LRP1B: variants seen among roughly 807,000 people sequenced by gnomAD.
LRP1B encodes LDL receptor related protein 1B, also known as low-density lipoprotein receptor-related protein 1B.
A neutral mutation model predicts 556.6 loss-of-function variants in LRP1B; 217 were observed. The ratio of observed to expected loss-of-function variants is 0.39; its 90% CI spans 0.35 to 0.44. The LOEUF is 0.44. Ranked by LOEUF, LRP1B falls within the 20% of genes least tolerant of loss-of-function variation. The pLI, the probability that LRP1B is intolerant of heterozygous loss-of-function variation, is 1.00. For synonymous variants in LRP1B, 2,047 were observed against 1,865.8 expected (o/e 1.10, Z -2.50); for missense variants, 5,053 against 5,620.8 (o/e 0.90, Z 3.23).
intron 1 of LRP1B, among the ~76,000 whole-genome samples, chr2:141,877,576 T>C (rs1226976292): frequency 1.3e-5 from 2 of 152,014 alleles, no homozygotes; most frequent in Non-Finnish European, 2.9e-5. Context: ...TGAATCACTA[T>C]GTGGAGCATA....
intron 2 of LRP1B, among the ~76,000 whole-genome samples, chr2:141,725,426 C>G (rs531405364): frequency 6.6e-6 from 1 of 151,850 alleles, no homozygotes; most frequent in South Asian, 2.1e-4. Context: ...CATCAGAGAT[C>G]AAAATGGTAG....
At chr2:140,290,845 A>G (rs1335288861) in intron 84 of LRP1B, among the ~76,000 whole-genome samples, 2 of 152,036 alleles carry the variant, frequency 1.3e-5, no homozygotes, top group African/African-American at 4.8e-5. Flanking sequence ...AGGATATTGA[A>G]TGGCAGAAAA....
intron 21 of LRP1B, among the ~76,000 whole-genome samples, chr2:140,913,855 G>C (rs1694495974): frequency 6.6e-6 from 1 of 152,028 alleles, no homozygotes; most frequent in Non-Finnish European, 1.5e-5. Flanking sequence ...ATTTTTGGGA[G>C]GTAATTTTGA....
intron 3 of LRP1B, among the ~76,000 whole-genome samples, chr2:141,264,550 C>T (rs1573728700): frequency 6.6e-6 from 1 of 152,170 alleles, no homozygotes; most frequent in East Asian, 1.9e-4. Context: ...TGTCTCCCGG[C>T]TTCAAGCAAT....
chr2:140,680,027 G>A (rs1385039154), intron 41 of LRP1B, among the ~76,000 whole-genome samples: 1 of 151,996 alleles, frequency 6.6e-6, no homozygotes, highest in East Asian at 1.9e-4. Flanking sequence ...GCCTAAGACA[G>A]TTCTTCCAAT....
chr2:141,273,021 C>A (rs300397), intron 3 of LRP1B, among the ~76,000 whole-genome samples: 125,594 of 152,122 alleles, frequency 0.83, 52,133 homozygotes, highest in Admixed American at 0.87. Context: ...CCTATTGCAA[C>A]ACTTATGCCA....
At chr2:142,121,321 TAGAC>T (rs1166932044) in intron 1 of LRP1B, among the ~76,000 whole-genome samples, 1 of 152,124 alleles carries the variant, frequency 6.6e-6, no homozygotes, top group Non-Finnish European at 1.5e-5. Context: ...CACCTCTGAT[TAGAC>T]AGCCAGTAGC....
At chr2:141,474,408 G>A (rs1320534184) in intron 3 of LRP1B, among the ~76,000 whole-genome samples, 1 of 108,102 alleles carries the variant, frequency 9.3e-6, no homozygotes, top group Non-Finnish European at 2.1e-5. Flanking sequence ...ATCACCCCCA[G>A]GATTTTTTTT....
rs552604334 is a variant in LRP1B, at chr2:140,458,257, T to TA, written c.9626-607dup. Among the ~76,000 whole-genome samples the TA allele has an allele frequency of 3.2e-3, 484 of 152,238 alleles. 1 individual carries two copies. The highest frequency in any genetic ancestry group is 5.2e-3 in the Admixed American group (79 of 15,256). On this transcript the variant is annotated intron_variant, in intron 60 of 90. Transcript: ENST00000389484. Reference sequence around the variant, plus strand: ...GGTAGAGGGAAATAAGTGTGGCAGATAATAATGTATTATGCAAATTTAATA... The same window carrying TA: ...GGTAGAGGGAAATAAGTGTGGCAGATAAATAATGTATTATGCAAATTTAATA...
chr2:141,702,438 T>A (rs1691973577), intron 2 of LRP1B, among the ~76,000 whole-genome samples: 1 of 151,852 alleles, frequency 6.6e-6, no homozygotes, highest in African/African-American at 2.4e-5. Flanking sequence ...AAATGAGATC[T>A]CTTCTGATTT....
At chr2:140,712,632 A>T (rs1382499709) in intron 37 of LRP1B, among the ~76,000 whole-genome samples, 3 of 151,476 alleles carry the variant, frequency 2.0e-5, no homozygotes, top group Admixed American at 6.6e-5. Flanking sequence ...TTCTCAACTT[A>T]TCTTCTATTT....
At chr2:141,320,239 A>G (rs1687187439) in intron 3 of LRP1B, among the ~76,000 whole-genome samples, 1 of 152,118 alleles carries the variant, frequency 6.6e-6, no homozygotes, top group African/African-American at 2.4e-5. Flanking sequence ...TACTTTTATA[A>G]TAATTATGCA....
intron 72 of LRP1B, among the ~76,000 whole-genome samples, chr2:140,362,188 T>A (rs1432720000): frequency 6.6e-6 from 1 of 151,612 alleles, no homozygotes; most frequent in Non-Finnish European, 1.5e-5. Context: ...ATCCTTTCTA[T>A]CCCATATTTG....
At chr2:142,058,550 T>C (rs1327661649) in intron 1 of LRP1B, among the ~76,000 whole-genome samples, 1 of 152,152 alleles carries the variant, frequency 6.6e-6, no homozygotes, top group Non-Finnish European at 1.5e-5. Context: ...GAGGTTTTTT[T>C]TGCAATTTTT....
intron 4 of LRP1B, among the ~76,000 whole-genome samples, chr2:141,253,837 T>C (rs1401587683): frequency 6.7e-6 from 1 of 149,786 alleles, no homozygotes; most frequent in Non-Finnish European, 1.5e-5. Flanking sequence ...TGCTATATTA[T>C]AGATTAGAAA....
At chr2:141,860,557 A>G (rs1173250269) in intron 1 of LRP1B, among the ~76,000 whole-genome samples, 1 of 152,150 alleles carries the variant, frequency 6.6e-6, no homozygotes, top group African/African-American at 2.4e-5. Flanking sequence ...GAAGTTAATG[A>G]CTTCATCATG....
chr2:140,282,811 A>C (rs1317713723), intron 84 of LRP1B, among the ~76,000 whole-genome samples: 1 of 151,846 alleles, frequency 6.6e-6, no homozygotes, highest in East Asian at 1.9e-4. Flanking sequence ...ATCTATGGAT[A>C]GTTGGTTCAA....
chr2:141,573,199 T>C (rs1171065660), intron 2 of LRP1B, among the ~76,000 whole-genome samples: 1 of 152,032 alleles, frequency 6.6e-6, no homozygotes, highest in Non-Finnish European at 1.5e-5. Flanking sequence ...TAATTGGGAG[T>C]AAAACACTCC....
intron 3 of LRP1B, among the ~76,000 whole-genome samples, chr2:141,338,756 C>T (rs181175262): frequency 7.2e-5 from 11 of 152,270 alleles, no homozygotes; most frequent in African/African-American, 2.4e-4. Context: ...AATCTATGCT[C>T]TAATTTACTA....
Sources: gnomAD v4.1 joint callset for allele counts (sites outside exome capture counted in the v4.1 genomes callset) on GRCh38, gnomAD v4.1.1 for gene constraint, MANE v1.5 for transcripts, NCBI Gene and HGNC (gene_info 2026-07-23, HGNC 2026-07-21) for gene names.